Variants in GPAM observed in about 807,000 individuals in gnomAD.
GPAM encodes glycerol-3-phosphate acyltransferase 1, mitochondrial.
GPAM carries 56 observed loss-of-function variants against 105.0 expected under a neutral mutation model. The ratio of observed to expected loss-of-function variants is 0.53; its 90% CI spans 0.43 to 0.67. GPAM has a LOEUF of 0.67. Among genes scored for constraint, GPAM ranks in the 30% least tolerant of loss-of-function variants. The pLI is 0.00. For synonymous variants in GPAM, 368 were observed against 354.4 expected (o/e 1.04, Z -0.43); for missense variants, 855 against 989.8 (o/e 0.86, Z 1.83).
At chr10:112,165,722 G>T (rs1342050208) in intron 12 of GPAM, among the ~76,000 whole-genome samples, 1 of 152,134 alleles carries the variant, frequency 6.6e-6, no homozygotes, top group East Asian at 1.9e-4. Flanking sequence ...TTTTAGGGGA[G>T]GTGTTTGGAA....
chr10:112,226,122 A>C, the GPAM span, among the ~76,000 whole-genome samples: 2 of 152,160 alleles, frequency 1.3e-5, no homozygotes, highest in Admixed American at 1.3e-4. Flanking sequence ...CCCCTTGCCC[A>C]AATAGCTTGC....
At chr10:112,219,657 C>T (rs1425073861), upstream of GPAM, among the ~76,000 whole-genome samples, 1 of 152,110 alleles carries the variant, frequency 6.6e-6, no homozygotes, top group Non-Finnish European at 1.5e-5. Flanking sequence ...TTACATTTTC[C>T]CTCCTGCGAT....
upstream of GPAM, among the ~76,000 whole-genome samples, chr10:112,185,653 T>C (rs1197416549): frequency 1.5e-5 from 2 of 137,042 alleles, no homozygotes; most frequent in East Asian, 4.3e-4. Flanking sequence ...AAAGAAACAG[T>C]AAAAAACCTG....
At chr10:112,225,431 G>A in the GPAM span, among the ~76,000 whole-genome samples, 5 of 152,152 alleles carry the variant, frequency 3.3e-5, no homozygotes, top group Admixed American at 2.6e-4. Flanking sequence ...CACCGTGTCT[G>A]GGTGTGACCA....
intron 1 of GPAM, among the ~76,000 whole-genome samples, chr10:112,193,676 A>C (rs998200595): frequency 1.1e-4 from 17 of 152,232 alleles, no homozygotes; most frequent in Admixed American, 6.5e-4. Flanking sequence ...TACAAGGGAT[A>C]TATTATTCAG....
At chr10:112,207,174 T>C (rs1847861532) in intron 1 of GPAM, among the ~76,000 whole-genome samples, 1 of 152,166 alleles carries the variant, frequency 6.6e-6, no homozygotes, top group South Asian at 2.1e-4. Flanking sequence ...AAGGGAGAGG[T>C]ACCACTGGCA....
chr10:112,180,815 A>G (rs563441126), intron 3 of GPAM, among the ~76,000 whole-genome samples: 67 of 152,224 alleles, frequency 4.4e-4, no homozygotes, highest in Non-Finnish European at 8.5e-4. Flanking sequence ...CACTGAAGGC[A>G]GTATTCAAAA....
At chr10:112,208,464 C>T (rs975552068) in intron 1 of GPAM, among the ~76,000 whole-genome samples, 6 of 152,100 alleles carry the variant, frequency 3.9e-5, no homozygotes, top group South Asian at 2.1e-4. Context: ...GAGCCTGAGA[C>T]GCCAAGAAAA....
At position 112,152,113 on chromosome 10, in the gene GPAM, T is replaced by C. The variant is rs1463676691; in HGVS notation, c.*1437A>G. Reference sequence around the variant, plus strand: ...TATCAGTGTTTAAAATCCAAGCTTATGGAAGTACAAACTTAATTCTCAGTA... The same window carrying C: ...TATCAGTGTTTAAAATCCAAGCTTACGGAAGTACAAACTTAATTCTCAGTA... On this transcript the variant is annotated 3_prime_UTR_variant, in exon 22 of 22. Transcript: ENST00000348367. 32 of 981,564 alleles carry C rather than the reference T, an allele frequency of 3.3e-5. No individual in the cohort carries two copies. Among genetic ancestry groups the C allele is most frequent in the Non-Finnish European group, 3.9e-5 (32 of 826,536 alleles). 60.8% of individuals were successfully genotyped at this position (981,564 alleles called of 1,614,324 possible). A position where few individuals can be genotyped will look rare whatever the true frequency, so the allele number is the denominator to read the frequency against.
Position 112,160,015 on chromosome 10 carries a change from C to G in GPAM, c.1798G>C (p.Gly600Arg). The change falls in exon 17 of 22, where the codon GGG (glycine) becomes CGG (arginine). Residue 600 changes from glycine to arginine, a missense_variant. Transcript: ENST00000348367. ...LYAVLNKRGL[G>R]GPTSTPPNLI... ...TTAGGTGGGGTGCTAGTGGGACCCC[C>G]CAGTCCCCTCTTGTTCAGAACTGCA... is the stretch of plus-strand genomic sequence containing the variant. 1 of 1,612,360 alleles carries G rather than the reference C, an allele frequency of 6.2e-7. No individual in the cohort carries two copies. The highest frequency in any genetic ancestry group is 8.5e-7 in the Non-Finnish European group (1 of 1,178,470).
intron 1 of GPAM, among the ~76,000 whole-genome samples, chr10:112,191,182 C>T (rs182971092): frequency 3.9e-5 from 6 of 152,310 alleles, no homozygotes; most frequent in African/African-American, 1.2e-4. Context: ...AAGTCCAGGT[C>T]CAACTCGGAC....
intron 6 of GPAM, among the ~76,000 whole-genome samples, chr10:112,174,401 A>C (rs751295826): frequency 6.6e-6 from 1 of 152,236 alleles, no homozygotes; most frequent in Non-Finnish European, 1.5e-5. Flanking sequence ...AAAAGAGCAC[A>C]GCACAGAATA....
At chr10:112,180,194 T>C (rs953156864) in intron 4 of GPAM, among the ~76,000 whole-genome samples, 1 of 152,170 alleles carries the variant, frequency 6.6e-6, no homozygotes, top group Non-Finnish European at 1.5e-5. Flanking sequence ...ACTAACTCCT[T>C]TGAAGACTTA....
In GPAM at chr10:112,168,865, A is replaced by C; in HGVS notation, c.882T>G (p.Ala294=). ...PDGRKDVLYR[A]LLHGHIVELL... ...AGATCACACATACCCCATGGAGCAA[A>C]GCTCTATAGAGAACATCTTTCCGTC... Residue 294 remains alanine (A), a synonymous_variant, in exon 10 of 22, where the codon GCT becomes GCG. Transcript: ENST00000348367. 1 of 1,595,764 alleles carries C rather than the reference A, an allele frequency of 6.3e-7. No homozygotes were observed.
intron 21 of GPAM, chr10:112,154,349 A>T: frequency 2.1e-6 from 1 of 479,902 alleles, no homozygotes; most frequent in Admixed American, 3.7e-5. Context: ...AACCTGTAGC[A>T]CCTTGAAACA....
intron 1 of GPAM, among the ~76,000 whole-genome samples, chr10:112,195,018 T>TG (rs769693524): frequency 6.6e-6 from 1 of 152,120 alleles, no homozygotes; most frequent in Non-Finnish European, 1.5e-5. Context: ...CCATCTTCAC[T>TG]GGGGGGCATA....
intron 4 of GPAM, among the ~76,000 whole-genome samples, chr10:112,180,088 T>C (rs566301790): frequency 5.9e-5 from 9 of 152,336 alleles, no homozygotes; most frequent in Admixed American, 3.3e-4. Flanking sequence ...GTCACAGCTT[T>C]AACTTCTTAT....
chr10:112,157,215 C>G (rs756573048), intron 19 of GPAM, 34 bp downstream of exon 19: 2 of 1,593,284 alleles, frequency 1.3e-6, no homozygotes, highest in Non-Finnish European at 1.7e-6. Context: ...CAACATATCC[C>G]TGTAATATCC....
At chr10:112,203,767 T>G (rs1045330382) in intron 1 of GPAM, among the ~76,000 whole-genome samples, 1 of 152,206 alleles carries the variant, frequency 6.6e-6, no homozygotes, top group African/African-American at 2.4e-5. Flanking sequence ...AAGACCCTTA[T>G]GATTACAGAC....
Sources: gnomAD v4.1 joint callset for allele counts (sites outside exome capture counted in the v4.1 genomes callset) on GRCh38, gnomAD v4.1.1 for gene constraint, MANE v1.5 for transcripts, NCBI Gene and HGNC (gene_info 2026-07-23, HGNC 2026-07-21) for gene names.